Variants in CDH9 observed in about 807,000 individuals in gnomAD.
CDH9 encodes cadherin-9.
Under a neutral mutation model 70.9 loss-of-function variants are expected in CDH9, and 28 were observed. The observed-to-expected ratio is 0.40, with a 90% CI of 0.29 to 0.54. The LOEUF is 0.54. Among genes scored for constraint, CDH9 ranks in the 20% least tolerant of loss-of-function variants. The pLI is 0.59. For missense variants in CDH9, 874 were observed against 984.4 expected (o/e 0.89, Z 1.50); for synonymous variants, 409 against 343.1 (o/e 1.19, Z -2.12).
chr5:26,967,583 T>C (rs1321855217), intron 2 of CDH9, among the ~76,000 whole-genome samples: 1 of 152,186 alleles, frequency 6.6e-6, no homozygotes, highest in African/African-American at 2.4e-5. Context: ...CTTTTTTAGA[T>C]ACTAGAAATA....
At chr5:26,950,973 T>C (rs918592776) in intron 2 of CDH9, among the ~76,000 whole-genome samples, 15 of 152,116 alleles carry the variant, frequency 9.9e-5, no homozygotes, top group Non-Finnish European at 1.8e-4. Context: ...ATCTTGTGCA[T>C]TTTTTTGCAT....
intron 1 of CDH9, among the ~76,000 whole-genome samples, chr5:27,013,381 C>T: frequency 6.6e-6 from 1 of 151,906 alleles, no homozygotes; most frequent in East Asian, 1.9e-4. Context: ...CTAAAATAAA[C>T]TCTTTAGAAT....
At chr5:26,999,229 C>G (rs966646117) in intron 1 of CDH9, among the ~76,000 whole-genome samples, 1 of 151,496 alleles carries the variant, frequency 6.6e-6, no homozygotes, top group Non-Finnish European at 1.5e-5. Flanking sequence ...CGGAGCGAGA[C>G]TCCGTCTAAA....
chr5:26,971,159 A>C (rs1196297761), intron 2 of CDH9, among the ~76,000 whole-genome samples: 4 of 152,142 alleles, frequency 2.6e-5, no homozygotes, highest in Non-Finnish European at 5.9e-5. Context: ...TTGACCAGAA[A>C]GTCAGAAAAG....
intron 3 of CDH9, among the ~76,000 whole-genome samples, chr5:26,914,070 T>A: frequency 6.6e-6 from 1 of 152,108 alleles, no homozygotes; most frequent in East Asian, 1.9e-4. Context: ...ACATTTAAAA[T>A]AATTATTCTT....
chr5:26,959,771 T>A (rs114528711), intron 2 of CDH9, among the ~76,000 whole-genome samples: 1,842 of 152,108 alleles, frequency 0.012, 37 homozygotes, highest in African/African-American at 0.042. Flanking sequence ...TAATGTATGA[T>A]TTTTTTATAT....
intron 2 of CDH9, among the ~76,000 whole-genome samples, chr5:26,935,800 C>T (rs1280631531): frequency 6.6e-6 from 1 of 152,164 alleles, no homozygotes; most frequent in Non-Finnish European, 1.5e-5. Context: ...TAGACACATG[C>T]ACATGCATGT....
intron 2 of CDH9, among the ~76,000 whole-genome samples, chr5:26,955,568 C>T (rs1416587526): frequency 8.2e-6 from 1 of 121,396 alleles, no homozygotes; most frequent in Admixed American, 9.2e-5. Context: ...TCTGTTGTGG[C>T]AGTATCTCTC....
At chr5:26,902,916 G>A (rs1740882047) in intron 6 of CDH9, 187 bp from the exon 7 acceptor site, 3 of 515,024 alleles carry the variant, frequency 5.8e-6, no homozygotes, top group Non-Finnish European at 1.0e-5. Context: ...ATTCACAGAG[G>A]GTTAACTTAA....
At chr5:27,020,863 T>C (rs1257130917) in intron 1 of CDH9, among the ~76,000 whole-genome samples, 1 of 151,716 alleles carries the variant, frequency 6.6e-6, no homozygotes, top group East Asian at 1.9e-4. Context: ...AGATATTTTA[T>C]CTGGATAAAT....
chr5:26,960,643 A>G (rs1742017936), intron 2 of CDH9, among the ~76,000 whole-genome samples: 2 of 152,024 alleles, frequency 1.3e-5, no homozygotes, highest in Admixed American at 1.3e-4. Flanking sequence ...TGATAATACA[A>G]TGATAACACT....
In CDH9 at chr5:26,903,784, T is replaced by C; in HGVS notation, c.852A>G (p.Gly284=). ...QFNSPESVPL[G]THLGRIKAND... is the part of the protein sequence containing the mutation. Reference sequence around the variant, plus strand: ...TGGCTTTTATCCTTCCAAGATGAGTTCCAAGAGGTACAGACTCAGGAGAAT... The same window carrying C: ...TGGCTTTTATCCTTCCAAGATGAGTCCCAAGAGGTACAGACTCAGGAGAAT... Residue 284 remains glycine, a synonymous_variant, in exon 6 of 12, where the codon GGA becomes GGG. Transcript: ENST00000231021. The C allele has an allele frequency of 6.2e-7, 1 of 1,604,470 alleles. No homozygotes were observed. The highest frequency in any genetic ancestry group is 8.5e-7 in the Non-Finnish European group (1 of 1,174,880).
intron 7 of CDH9, among the ~76,000 whole-genome samples, chr5:26,894,702 A>T (rs980743656): frequency 5.3e-5 from 8 of 152,114 alleles, no homozygotes; most frequent in African/African-American, 1.9e-4. Flanking sequence ...AAATGACCAG[A>T]AAGAGCCTGA....
intron 2 of CDH9, among the ~76,000 whole-genome samples, chr5:26,955,418 T>C (rs1741929407): frequency 6.6e-6 from 1 of 152,202 alleles, no homozygotes; most frequent in African/African-American, 2.4e-5. Flanking sequence ...CCACATTCCT[T>C]TCCTCAGGGC....
intron 1 of CDH9, among the ~76,000 whole-genome samples, chr5:27,012,112 T>G (rs1352141422): frequency 1.3e-5 from 2 of 151,954 alleles, no homozygotes; most frequent in Non-Finnish European, 2.9e-5. Flanking sequence ...AACTTGCAGA[T>G]GTTCAGTTTC....
intron 1 of CDH9, among the ~76,000 whole-genome samples, chr5:26,998,383 G>T (rs1579503592): frequency 1.3e-5 from 2 of 152,086 alleles, no homozygotes; most frequent in African/African-American, 4.8e-5. Context: ...TATACACATG[G>T]AATACTATGC....
At chr5:27,023,465 AT>A (rs1743173122) in intron 1 of CDH9, among the ~76,000 whole-genome samples, 1 of 152,098 alleles carries the variant, frequency 6.6e-6, no homozygotes, top group Non-Finnish European at 1.5e-5. Context: ...AACAAAAATA[AT>A]TTTGTAAAAA....
Position 26,886,027 on chromosome 5 carries a change from G to A in CDH9, c.1569C>T (p.Phe523=), listed in dbSNP as rs1248257432. The change falls in exon 10 of 12, where the codon TTC becomes TTT. Residue 523 remains phenylalanine (F), a synonymous_variant. Coordinates refer to ENST00000231021, the MANE Select transcript of CDH9 (RefSeq NM_016279.4). ...DKDDPPRGHK[F]FFEPVPEFTL... is the part of the protein sequence containing the mutation. ...TAAATTCTGGCACTGGTTCAAAAAA[G>A]AATTTGTGACCTCGGGGAGGGTCAT... 1 of 1,612,600 alleles carries A rather than the reference G, an allele frequency of 6.2e-7. No homozygotes were observed. The highest frequency in any genetic ancestry group is 8.5e-7 in the Non-Finnish European group (1 of 1,179,644).
intron 2 of CDH9, among the ~76,000 whole-genome samples, chr5:26,974,346 C>CT (rs35087435): frequency 0.47 from 70,901 of 151,002 alleles, 17,393 homozygotes; most frequent in Non-Finnish European, 0.53. Context: ...ATGATAGGTG[C>CT]TTTTTTTTTA....
Sources: gnomAD v4.1 joint callset for allele counts (sites outside exome capture counted in the v4.1 genomes callset) on GRCh38, gnomAD v4.1.1 for gene constraint, MANE v1.5 for transcripts, NCBI Gene and HGNC (gene_info 2026-07-23, HGNC 2026-07-21) for gene names.